DDX10: variants seen among roughly 807,000 people sequenced by gnomAD.
DDX10 encodes probable ATP-dependent RNA helicase DDX10.
In DDX10, 74 loss-of-function variants were observed where a neutral mutation model predicts 104.3. The observed-to-expected ratio is 0.71, with a 90% CI of 0.59 to 0.86. DDX10 has a LOEUF of 0.86. Ranked by LOEUF, DDX10 falls within the 40% of genes least tolerant of loss-of-function variation. The probability of loss-of-function intolerance (pLI) is 0.00; values close to 1 mark genes in which losing one functional copy is unlikely to be tolerated. For missense variants in DDX10, 952 were observed against 1,040.0 expected (o/e 0.92, Z 1.16); for synonymous variants, 351 against 353.4 (o/e 0.99, Z 0.08).
intron 16 of DDX10, among the ~76,000 whole-genome samples, chr11:108,908,865 G>A (rs183847130): frequency 5.2e-4 from 79 of 152,282 alleles, no homozygotes; most frequent in Admixed American, 3.1e-3. Flanking sequence ...CTGCACAGTC[G>A]TCCTGTGAAA....
intron 13 of DDX10, among the ~76,000 whole-genome samples, chr11:108,810,693 A>G (rs756368043): frequency 5.9e-5 from 9 of 152,224 alleles, no homozygotes; most frequent in Non-Finnish European, 1.3e-4. Flanking sequence ...CCCCCAAGTC[A>G]GTGATAAGTG....
chr11:108,763,640 C>T (rs2094353282), intron 13 of DDX10, among the ~76,000 whole-genome samples: 1 of 152,088 alleles, frequency 6.6e-6, no homozygotes, highest in Admixed American at 6.5e-5. Flanking sequence ...TACTGTGATA[C>T]AACTAAACTC....
In DDX10 at chr11:108,910,013, T is replaced by C. The variant is rs549992355; in HGVS notation, c.2305-7860T>C. Reference sequence around the variant, plus strand: ...TTCTAATTACAACACAGAATTGGAGTGATCAGAATTGGGGAAAGAATACTT... The same window carrying C: ...TTCTAATTACAACACAGAATTGGAGCGATCAGAATTGGGGAAAGAATACTT... On this transcript the variant is annotated intron_variant, in intron 16 of 17. Coordinates refer to ENST00000322536, the MANE Select transcript of DDX10 (RefSeq NM_004398.4). Among the ~76,000 whole-genome samples, 323 of 148,630 alleles carry C rather than the reference T, an allele frequency of 2.2e-3. 2 individuals are homozygous for C. Among genetic ancestry groups the C allele is most frequent in the African/African-American group, 7.6e-3 (306 of 40,074 alleles).
Position 108,690,036 on chromosome 11 carries a change from C to T in DDX10, c.975+974C>T, listed in dbSNP as rs182985044. 3.1e-4 allele frequency among the ~76,000 whole-genome samples: 46 copies of T among 150,328 alleles called. No individual in the cohort carries two copies. The East Asian group carries it at 8.3e-3, about 27-fold the overall frequency. ...TTTAAGACCAGCTTGGGCAAGATGGCGACACCCTGTCTTTAAAAAAAAAAA... is the reference window on the plus strand; with the variant it reads ...TTTAAGACCAGCTTGGGCAAGATGGTGACACCCTGTCTTTAAAAAAAAAAA... On this transcript the variant is annotated intron_variant, in intron 7 of 17. Coordinates refer to ENST00000322536, the MANE Select transcript of DDX10 (RefSeq NM_004398.4).
chr11:108,740,450 G>A (rs1045423467), intron 13 of DDX10, among the ~76,000 whole-genome samples: 7 of 152,078 alleles, frequency 4.6e-5, no homozygotes, highest in African/African-American at 7.2e-5. Flanking sequence ...GTGAACATAC[G>A]TATACATGTG....
At chr11:108,733,703 T>C (rs867164512) in intron 13 of DDX10, among the ~76,000 whole-genome samples, 2 of 152,158 alleles carry the variant, frequency 1.3e-5, no homozygotes, top group African/African-American at 2.4e-5. Context: ...CCATTTTCAC[T>C]TCCCACTTAC....
chr11:108,756,860 G>A (rs1282882483), intron 13 of DDX10, among the ~76,000 whole-genome samples: 1 of 151,954 alleles, frequency 6.6e-6, no homozygotes, highest in Non-Finnish European at 1.5e-5. Flanking sequence ...AGTCAACATC[G>A]AGTCATGTCT....
intron 15 of DDX10, among the ~76,000 whole-genome samples, chr11:108,845,250 C>T (rs1370854072): frequency 1.3e-5 from 2 of 151,850 alleles, no homozygotes; most frequent in East Asian, 3.9e-4. Context: ...AGACTTTCTT[C>T]TTTACTTATT....
intron 13 of DDX10, among the ~76,000 whole-genome samples, chr11:108,818,532 CT>C (rs1862284592): frequency 6.6e-6 from 1 of 152,162 alleles, no homozygotes; most frequent in South Asian, 2.1e-4. Flanking sequence ...TTTTAGTCAA[CT>C]CAACCTGTTT....
chr11:108,908,137 G>C (rs896266605), intron 16 of DDX10, among the ~76,000 whole-genome samples: 73 of 152,186 alleles, frequency 4.8e-4, no homozygotes, highest in African/African-American at 1.7e-3. Context: ...ATAATTTAGT[G>C]CCTAGGATTT....
At chr11:108,762,293 T>C (rs955142592) in intron 13 of DDX10, among the ~76,000 whole-genome samples, 1 of 152,204 alleles carries the variant, frequency 6.6e-6, no homozygotes, top group Non-Finnish European at 1.5e-5. Flanking sequence ...TTGGCAGTTA[T>C]TCCTCTTGGA....
chr11:108,835,877 T>G (rs1428310175), intron 13 of DDX10, among the ~76,000 whole-genome samples: 1 of 152,106 alleles, frequency 6.6e-6, no homozygotes, highest in Non-Finnish European at 1.5e-5. Flanking sequence ...TTTGATCGTT[T>G]GTTACTCCAT....
At chr11:108,874,322 C>T (rs1157989432) in intron 16 of DDX10, among the ~76,000 whole-genome samples, 1 of 152,156 alleles carries the variant, frequency 6.6e-6, no homozygotes, top group Admixed American at 6.5e-5. Flanking sequence ...GCTGCACACT[C>T]TCTCTACTTT....
At chr11:108,778,911 A>C (rs938091524) in intron 13 of DDX10, among the ~76,000 whole-genome samples, 1 of 152,254 alleles carries the variant, frequency 6.6e-6, no homozygotes, top group African/African-American at 2.4e-5. Context: ...GAAGACATTT[A>C]TGCAGCCAAC....
chr11:108,916,514 A>G (rs1863752845), intron 16 of DDX10, among the ~76,000 whole-genome samples: 1 of 152,224 alleles, frequency 6.6e-6, no homozygotes, highest in African/African-American at 2.4e-5. Context: ...TTTAATAGTG[A>G]ATAGCATAAT....
At chr11:108,906,635 G>T (rs1441376840) in intron 16 of DDX10, among the ~76,000 whole-genome samples, 1 of 152,170 alleles carries the variant, frequency 6.6e-6, no homozygotes, top group Non-Finnish European at 1.5e-5. Flanking sequence ...ATTATTGTAA[G>T]AAAAATAGTG....
At chr11:108,755,961 T>TC (rs1244709171) in intron 13 of DDX10, among the ~76,000 whole-genome samples, 1 of 151,256 alleles carries the variant, frequency 6.6e-6, no homozygotes, top group Non-Finnish European at 1.5e-5. Flanking sequence ...TCTTTCTTCC[T>TC]CCCCCTTCCC....
At chr11:108,891,712 C>A (rs17108715) in intron 16 of DDX10, among the ~76,000 whole-genome samples, 2,479 of 152,238 alleles carry the variant, frequency 0.016, 70 homozygotes, top group African/African-American at 0.056. Flanking sequence ...ACCCGGTCCT[C>A]TAAAGTATGC....
At chr11:108,798,779 G>A (rs1242526784) in intron 13 of DDX10, among the ~76,000 whole-genome samples, 1 of 151,968 alleles carries the variant, frequency 6.6e-6, no homozygotes, top group Non-Finnish European at 1.5e-5. Context: ...AAGATTTTGG[G>A]GCTTCTTAAG....
Sources: allele counts gnomAD v4.1 joint callset (sites outside exome capture counted in the v4.1 genomes callset), GRCh38; gene constraint gnomAD v4.1.1; transcripts MANE v1.5; gene names NCBI Gene and HGNC (gene_info 2026-07-23, HGNC 2026-07-21).